C1orf94: variants seen among roughly 807,000 people sequenced by gnomAD.
C1orf94 encodes chromosome 1 open reading frame 94, also known as uncharacterized protein C1orf94.
A neutral mutation model predicts 53.6 loss-of-function variants in C1orf94; 45 were observed. That is an observed-to-expected ratio of 0.84 (90% confidence interval 0.66 to 1.08). The LOEUF (loss-of-function observed/expected upper bound fraction) is 1.08, where lower values mean the gene tolerates loss of function less well. C1orf94 is among the 50% of genes least tolerant of loss of function. The pLI is 0.00. For synonymous variants in C1orf94, 304 were observed against 296.1 expected, an observed-to-expected ratio of 1.03 and a Z score of -0.27; for missense variants, 762 against 738.9, an observed-to-expected ratio of 1.03 and a Z score of -0.36.
intron 2 of C1orf94, among the ~76,000 whole-genome samples, chr1:34,198,160 A>C (rs1381194080): frequency 6.6e-6 from 1 of 152,222 alleles, no homozygotes; most frequent in Non-Finnish European, 1.5e-5. Flanking sequence ...ACATACTTTG[A>C]GAAGAGAAAT....
At position 34,194,510 on chromosome 1, in the gene C1orf94, G is replaced by A. The variant is rs180733528; in HGVS notation, c.321-2715G>A. Reference sequence around the variant, plus strand: ...TCTAGAAGCTACTTTGAGTATGTGCGTGTAATATTTGTATAAAATAAAGCA... The same window carrying A: ...TCTAGAAGCTACTTTGAGTATGTGCATGTAATATTTGTATAAAATAAAGCA... On this transcript the variant is annotated intron_variant, in intron 1 of 6. Transcript: ENST00000488417. Among the ~76,000 whole-genome samples, 69 of 151,782 alleles carry A rather than the reference G, an allele frequency of 4.5e-4. No homozygotes were observed. In the East Asian group the frequency reaches 0.013, roughly 28 times the overall value.
chr1:34,180,389 T>C (rs1204713605), intron 1 of C1orf94, among the ~76,000 whole-genome samples: 1 of 152,242 alleles, frequency 6.6e-6, no homozygotes, highest in Non-Finnish European at 1.5e-5. Flanking sequence ...TGAATATCTA[T>C]GTGTCTATCA....
At chr1:34,204,314 G>C (rs1415038450) in intron 4 of C1orf94, among the ~76,000 whole-genome samples, 1 of 152,072 alleles carries the variant, frequency 6.6e-6, no homozygotes. Flanking sequence ...TCTCTGTTTT[G>C]TTTTCAAGCT....
At position 34,197,289 on chromosome 1, in the gene C1orf94, C is replaced by T; in HGVS notation, c.385C>T (p.Leu129Phe). 3 of 1,553,074 alleles carry T rather than the reference C, an allele frequency of 1.9e-6. No homozygotes were observed. The South Asian group carries it at 3.6e-5, about 18-fold the overall frequency. The stretch of plus-strand genomic sequence containing the variant: ...GTTGGTGGAACAGGAGTTCCTAAGC[C>T]TCACCAAAGAGCACTCGATCCTGGT... ...SLLVEQEFLS[L>F]TKEHSILVEE... Residue 129 changes from leucine (L) to phenylalanine (F), a missense_variant, in exon 2 of 7, where the codon CTC becomes TTC. Coordinates refer to ENST00000488417, the MANE Select transcript of C1orf94 (RefSeq NM_001134734.2). The surrounding 1 kb of genome is among the most constrained non-coding windows in gnomAD (Gnocchi z 4.1).
rs531654313 is a variant in C1orf94, at chr1:34,216,139, T to C, written c.1722-2547T>C. 2.6e-5 allele frequency among the ~76,000 whole-genome samples: 4 copies of C among 152,198 alleles called. No individual in the cohort carries two copies. In the East Asian group the frequency reaches 7.7e-4, roughly 29 times the overall value. The stretch of plus-strand genomic sequence containing the variant: ...AAAATTGAGAAAGTCATTAGACAGA[T>C]GGGTGGAGCTATGGATAGGTAGGTG... On this transcript the variant is annotated intron_variant, in intron 6 of 6. Transcript: ENST00000488417.
At chr1:34,218,532 G>A (rs769485253) in intron 6 of C1orf94, among the ~76,000 whole-genome samples, 154 bp from the exon 7 acceptor site, 4 of 151,892 alleles carry the variant, frequency 2.6e-5, no homozygotes, top group Non-Finnish European at 4.4e-5. Context: ...ACTTTCCCAG[G>A]GCCAAAGCCT....
chr1:34,177,265 C>T lies in C1orf94; in HGVS notation c.-525C>T, dbSNP rs1473996247. On this transcript the variant is annotated 5_prime_UTR_variant, in exon 1 of 7. Transcript: ENST00000488417. The stretch of plus-strand genomic sequence containing the variant: ...GGGAGTCGGGCCGTTGACGCTCGCT[C>T]TGCGAGGGGCTCCCTGGGAACGCCC... Among the ~76,000 whole-genome samples the T allele has an allele frequency of 6.6e-6, 1 of 152,220 alleles. No homozygotes were observed. Among genetic ancestry groups the T allele is most frequent in the Non-Finnish European group, 1.5e-5 (1 of 68,036 alleles).
rs555710292 is a variant in C1orf94 at position 34,171,223 on chromosome 1, C to T, written c.-251+4052C>T. On this transcript the variant is annotated intron_variant, in intron 1 of 6. Coordinates refer to the C1orf94 transcript ENST00000373374. ...CCTCAGCTCTAAGCCATTCTGACAC[C>T]CTTGCACTCTTGCAATGAGCCATGC... Among the ~76,000 whole-genome samples, 14 of 152,272 alleles carry T rather than the reference C, an allele frequency of 9.2e-5. No homozygotes were observed. The South Asian group carries it at 2.9e-3, about 32-fold the overall frequency.
chr1:34,169,263 G>A (rs1411154753), intron 1 of C1orf94, among the ~76,000 whole-genome samples: 1 of 152,114 alleles, frequency 6.6e-6, no homozygotes, highest in South Asian at 2.1e-4. Flanking sequence ...AGGAGTCAAA[G>A]ACATAACAGC....
intron 1 of C1orf94, among the ~76,000 whole-genome samples, chr1:34,185,367 A>G (rs1642369571): frequency 6.6e-6 from 1 of 151,966 alleles, no homozygotes; most frequent in African/African-American, 2.4e-5. Flanking sequence ...TTTAGTAGAG[A>G]CAGGGTTTCA....
At chr1:34,178,200 C>T in intron 1 of C1orf94, 91 bp downstream of exon 1, 1 of 1,336,708 alleles carries the variant, frequency 7.5e-7, no homozygotes, top group East Asian at 2.5e-5. Context: ...ACTGTTGAGG[C>T]TGGTGAAACC....
intron 1 of C1orf94, among the ~76,000 whole-genome samples, chr1:34,193,183 G>A (rs948176099): frequency 2.0e-5 from 3 of 152,170 alleles, no homozygotes; most frequent in Non-Finnish European, 4.4e-5. Context: ...TCTTGGGAGG[G>A]AATGGAGATG....
intron 4 of C1orf94, among the ~76,000 whole-genome samples, chr1:34,207,285 GTGTGT>G (rs1642816096): frequency 6.6e-6 from 1 of 151,906 alleles, no homozygotes; most frequent in Non-Finnish European, 1.5e-5. Context: ...GTGTGTGTGT[GTGTGT>G]GTGTGTGTGT....
At chr1:34,189,695 G>T (rs763090436) in intron 1 of C1orf94, among the ~76,000 whole-genome samples, 4 of 152,212 alleles carry the variant, frequency 2.6e-5, no homozygotes, top group Non-Finnish European at 5.9e-5. Flanking sequence ...GCCTCTCCTA[G>T]CCTGGGGCCT....
intron 4 of C1orf94, among the ~76,000 whole-genome samples, chr1:34,202,715 A>G (rs1642732331): frequency 1.3e-5 from 2 of 152,204 alleles, no homozygotes; most frequent in Admixed American, 1.3e-4. Flanking sequence ...TATTTGGGAC[A>G]GTCCCAATTT....
chr1:34,214,857 A>G (rs1240231362), intron 6 of C1orf94, among the ~76,000 whole-genome samples: 1 of 152,132 alleles, frequency 6.6e-6, no homozygotes, highest in Non-Finnish European at 1.5e-5. Flanking sequence ...TGGCGTTCTG[A>G]GAGGCTGGGG....
At chr1:34,216,527 C>T (rs1642991423) in intron 6 of C1orf94, among the ~76,000 whole-genome samples, 1 of 151,924 alleles carries the variant, frequency 6.6e-6, no homozygotes, top group Non-Finnish European at 1.5e-5. Flanking sequence ...TGAGGCTGCA[C>T]CTGGCTGGGG....
At position 34,212,311 on chromosome 1, in the gene C1orf94, C is replaced by A; in HGVS notation, c.1626C>A (p.Tyr542Ter). 1 of 1,614,032 alleles carries A rather than the reference C, an allele frequency of 6.2e-7. No homozygotes were observed. Among genetic ancestry groups the A allele is most frequent in the Non-Finnish European group, 8.5e-7 (1 of 1,180,022 alleles). The change falls in exon 6 of 7, where the codon TAC becomes TAA. Residue 542 changes from tyrosine (Y) to a stop codon, truncating the protein, a stop_gained. Coordinates refer to ENST00000488417, the MANE Select transcript of C1orf94 (RefSeq NM_001134734.2). LOFTEE classifies it high-confidence loss of function. Reference sequence around the variant, plus strand: ...CTTTTGTCCAGCCCAATTATCCCTACCCTCAGAGGACACCTCCAAAGATGT... The same window carrying A: ...CTTTTGTCCAGCCCAATTATCCCTAACCTCAGAGGACACCTCCAAAGATGT... ...YIPFVQPNYP[Y>*]PQRTPPKMSA... is the part of the protein sequence containing the mutation.
At chr1:34,169,624 AGAGAGAGAGAGT>A (rs747522202) in intron 1 of C1orf94, among the ~76,000 whole-genome samples, 3,015 of 99,662 alleles carry the variant, frequency 0.03, 87 homozygotes, top group Non-Finnish European at 0.044. Flanking sequence ...AGAGAGAGAG[AGAGAGAGAGAGT>A]GAGCAAATGG....
Sources: allele counts gnomAD v4.1 joint callset (sites outside exome capture counted in the v4.1 genomes callset), GRCh38; gene constraint gnomAD v4.1.1; non-coding constraint Gnocchi (gnomAD v3.1); transcripts MANE v1.5; gene names NCBI Gene and HGNC (gene_info 2026-07-23, HGNC 2026-07-21).